The following RBFOX1 variants were observed in gnomAD, a reference collection of about 807,000 sequenced individuals.
The protein encoded by RBFOX1 is RNA binding fox-1 homolog 1.
Under a neutral mutation model 57.7 loss-of-function variants are expected in RBFOX1, and 8 were observed. The ratio of observed to expected loss-of-function variants is 0.14; its 90% CI spans 0.08 to 0.25. The LOEUF is 0.25. Ranked by LOEUF, RBFOX1 falls within the 10% of genes least tolerant of loss-of-function variation. The pLI is 1.00. For synonymous variants in RBFOX1, 326 were observed against 222.4 expected, an observed-to-expected ratio of 1.47 and a Z score of -4.15; for missense variants, 611 against 548.5, an observed-to-expected ratio of 1.11 and a Z score of -1.14.
chr16:6,542,089 G>C (rs959216316), intron 2 of RBFOX1, among the ~76,000 whole-genome samples: 1 of 151,958 alleles, frequency 6.6e-6, no homozygotes, highest in Non-Finnish European at 1.5e-5. Context: ...CCATCACACA[G>C]AGATAACTTT....
intron 3 of RBFOX1, among the ~76,000 whole-genome samples, chr16:6,722,945 C>A (rs1428580664): frequency 6.6e-6 from 1 of 152,128 alleles, no homozygotes; most frequent in Non-Finnish European, 1.5e-5. Flanking sequence ...CCCTCTGCTT[C>A]TAGGCAAGTC....
At chr16:6,496,243 A>C (rs769689023) in intron 2 of RBFOX1, among the ~76,000 whole-genome samples, 12 of 152,316 alleles carry the variant, frequency 7.9e-5, no homozygotes, top group Non-Finnish European at 1.8e-4. Context: ...GATTGTTGAC[A>C]TAAATGGTGA....
intron 11 of RBFOX1, among the ~76,000 whole-genome samples, chr16:7,630,915 T>C (rs2060841334): frequency 6.6e-6 from 1 of 152,102 alleles, no homozygotes; most frequent in African/African-American, 2.4e-5. Flanking sequence ...AATGTGGGCA[T>C]GGGGTTGGTG....
chr16:6,627,289 A>AG (rs1172453284), intron 2 of RBFOX1, among the ~76,000 whole-genome samples: 1 of 152,208 alleles, frequency 6.6e-6, no homozygotes, highest in Non-Finnish European at 1.5e-5. Context: ...GTCCCTACTT[A>AG]GGTGTGCTTA....
At chr16:6,905,012 G>T (rs1228027951) in intron 3 of RBFOX1, among the ~76,000 whole-genome samples, 1 of 152,094 alleles carries the variant, frequency 6.6e-6, no homozygotes, top group Non-Finnish European at 1.5e-5. Context: ...TGTTAGCATG[G>T]TAAAAGAGTT....
rs376061390 is a variant in RBFOX1 at position 6,588,419 on chromosome 16, A to G, written c.-63-66184A>G. ...TGTAATCCCAGCAATTTGGGAGGCCAAGGCAGGTGGATCGTCTGAGGTCAG... is the reference window on the plus strand; with the variant it reads ...TGTAATCCCAGCAATTTGGGAGGCCGAGGCAGGTGGATCGTCTGAGGTCAG... On this transcript the variant is annotated intron_variant, in intron 2 of 15. Coordinates refer to ENST00000550418, the MANE Select transcript of RBFOX1 (RefSeq NM_018723.4). 3.4e-4 allele frequency among the ~76,000 whole-genome samples: 51 copies of G among 151,578 alleles called. 1 individual carries two copies. Among genetic ancestry groups the G allele is most frequent in the East Asian group, 2.6e-3 (13 of 5,046 alleles).
chr16:7,353,658 G>A (rs954407013), intron 4 of RBFOX1, among the ~76,000 whole-genome samples: 1 of 152,198 alleles, frequency 6.6e-6, no homozygotes, highest in African/African-American at 2.4e-5. Flanking sequence ...ATGCTGTAGT[G>A]TGGATGAACC....
chr16:7,489,229 C>T (rs1351888582), intron 4 of RBFOX1, among the ~76,000 whole-genome samples: 2 of 152,024 alleles, frequency 1.3e-5, no homozygotes, highest in African/African-American at 4.8e-5. Context: ...TAACTGATAC[C>T]TTTTTTTAAA....
chr16:6,458,410 C>T (rs1033727936), intron 2 of RBFOX1, among the ~76,000 whole-genome samples: 14 of 152,176 alleles, frequency 9.2e-5, no homozygotes, highest in Non-Finnish European at 1.5e-4. Context: ...GCCGTAGAAC[C>T]AGACTCATTG....
At chr16:5,959,943 G>A (rs1470558180) in intron 4 of RBFOX1, among the ~76,000 whole-genome samples, 1 of 152,228 alleles carries the variant, frequency 6.6e-6, no homozygotes, top group African/African-American at 2.4e-5. Context: ...GCTCACGCCT[G>A]TAATCCCAGT....
At chr16:6,951,797 A>G (rs1296001089) in intron 3 of RBFOX1, among the ~76,000 whole-genome samples, 1 of 152,038 alleles carries the variant, frequency 6.6e-6, no homozygotes, top group Non-Finnish European at 1.5e-5. Flanking sequence ...GCAGTGGCAT[A>G]ATCCAGGCTC....
In RBFOX1 at chr16:6,851,787, C is replaced by T. The variant is rs149213093; in HGVS notation, c.-16+197137C>T. On this transcript the variant is annotated intron_variant, in intron 3 of 15. Coordinates refer to ENST00000550418, the MANE Select transcript of RBFOX1 (RefSeq NM_018723.4). ...GAAGGACTGGCAGGTGGCACCCGGACCCTTAACTCCTTCCTCTGGGCATCA... is the reference window on the plus strand; with the variant it reads ...GAAGGACTGGCAGGTGGCACCCGGATCCTTAACTCCTTCCTCTGGGCATCA... Among the ~76,000 whole-genome samples the T allele has an allele frequency of 3.3e-4, 50 of 152,274 alleles. No homozygotes were observed. The East Asian group carries it at 6.6e-3, about 20-fold the overall frequency.
chr16:5,624,332 C>T (rs542400032), intron 3 of RBFOX1, among the ~76,000 whole-genome samples: 32 of 152,284 alleles, frequency 2.1e-4, no homozygotes, highest in South Asian at 8.3e-4. Context: ...GCAGCTGGGA[C>T]TACAGGCACC....
chr16:5,791,430 T>C (rs1463529570), intron 3 of RBFOX1, among the ~76,000 whole-genome samples: 1 of 152,168 alleles, frequency 6.6e-6, no homozygotes, highest in Non-Finnish European at 1.5e-5. Context: ...ACAGCAATCC[T>C]AGGATCTGGG....
rs576252857 is a variant in RBFOX1 at position 5,414,835 on chromosome 16, C to A, written c.220-52381C>A. Among the ~76,000 whole-genome samples the A allele has an allele frequency of 1.2e-3, 182 of 152,238 alleles. 1 individual carries two copies. Among genetic ancestry groups the A allele is most frequent in the African/African-American group, 4.1e-3 (171 of 41,536 alleles). On this transcript the variant is annotated intron_variant, in intron 1 of 2. Coordinates refer to the RBFOX1 transcript ENST00000585867. ...GGTAGGCTGTGTCAGTCACCATCCT[C>A]GGTGGGATTCTTCTTGAGGAAGTTA... is the stretch of plus-strand genomic sequence containing the variant.
chr16:5,994,595 T>C (rs972035760), intron 4 of RBFOX1, among the ~76,000 whole-genome samples: 1 of 152,228 alleles, frequency 6.6e-6, no homozygotes, highest in Non-Finnish European at 1.5e-5. Flanking sequence ...TATTTCTGGC[T>C]GTGTAGGTCC....
intron 4 of RBFOX1, among the ~76,000 whole-genome samples, chr16:7,239,319 T>A (rs2093938198): frequency 6.6e-6 from 1 of 151,924 alleles, no homozygotes. Flanking sequence ...GACAACATGG[T>A]GAAATCCCAT....
chr16:6,122,080 G>A (rs1041996245), intron 1 of RBFOX1, among the ~76,000 whole-genome samples: 9 of 151,924 alleles, frequency 5.9e-5, no homozygotes, highest in African/African-American at 1.9e-4. Context: ...TAATTTTAGT[G>A]TTTTTAGTAG....
chr16:6,380,205 C>T (rs949522147), intron 2 of RBFOX1, among the ~76,000 whole-genome samples: 1 of 151,966 alleles, frequency 6.6e-6, no homozygotes, highest in African/African-American at 2.4e-5. Flanking sequence ...TTGGCTCATT[C>T]AGATGACTTT....
Sources: gnomAD v4.1 joint callset for allele counts (sites outside exome capture counted in the v4.1 genomes callset) on GRCh38, gnomAD v4.1.1 for gene constraint, MANE v1.5 for transcripts, NCBI Gene and HGNC (gene_info 2026-07-23, HGNC 2026-07-21) for gene names.